The following SNX2 variants were observed in gnomAD, a reference collection of about 807,000 sequenced individuals.
SNX2 encodes sorting nexin 2, also known as sorting nexin-2.
In SNX2, 25 loss-of-function variants were observed where a neutral mutation model predicts 69.9. The ratio of observed to expected loss-of-function variants is 0.36; its 90% CI spans 0.26 to 0.50. SNX2 has a LOEUF of 0.50. SNX2 is among the 20% of genes least tolerant of loss of function. SNX2 has a pLI of 0.97. For synonymous variants in SNX2, 229 were observed against 200.4 expected (o/e 1.14, Z -1.20); for missense variants, 551 against 613.3 (o/e 0.90, Z 1.07).
intron 6 of SNX2, among the ~76,000 whole-genome samples, chr5:122,807,247 G>A (rs1385453999): frequency 6.6e-6 from 1 of 151,802 alleles, no homozygotes; most frequent in African/African-American, 2.4e-5. Context: ...AGGTGACAGA[G>A]TGAGACCGTG....
At chr5:122,789,426 C>T (rs1178614606) in intron 1 of SNX2, among the ~76,000 whole-genome samples, 1 of 138,862 alleles carries the variant, frequency 7.2e-6, no homozygotes, top group African/African-American at 2.8e-5. Flanking sequence ...CCCACCTTCC[C>T]CACCACACAC....
chr5:122,778,041 T>C (rs1022143718), intron 1 of SNX2, among the ~76,000 whole-genome samples: 1 of 152,238 alleles, frequency 6.6e-6, no homozygotes, highest in Non-Finnish European at 1.5e-5. Context: ...ATGAACTTTT[T>C]TAACTTTTAC....
In SNX2 at chr5:122,823,204, T is replaced by C. The variant is rs182486038; in HGVS notation, c.1213-2846T>C. Among the ~76,000 whole-genome samples, 5 of 152,326 alleles carry C rather than the reference T, an allele frequency of 3.3e-5. No individual in the cohort carries two copies. The East Asian group carries it at 9.6e-4, about 29-fold the overall frequency. On this transcript the variant is annotated intron_variant, in intron 11 of 14. Coordinates refer to ENST00000379516, the MANE Select transcript of SNX2 (RefSeq NM_003100.4). ...ACTAGAGTGGATTAGTATCTTGACATACAAAGGGACACATTGTTACGATTT... is the reference window on the plus strand; with the variant it reads ...ACTAGAGTGGATTAGTATCTTGACACACAAAGGGACACATTGTTACGATTT...
intron 12 of SNX2, chr5:122,826,739 C>A: frequency 2.2e-6 from 1 of 458,478 alleles, no homozygotes; most frequent in Non-Finnish European, 2.9e-6. Context: ...GGAAAAATAT[C>A]ATTTCATTGC....
intron 1 of SNX2, 84 bp downstream of exon 1, chr5:122,775,295 C>A: frequency 1.4e-6 from 2 of 1,461,758 alleles, no homozygotes; most frequent in South Asian, 1.3e-5. Context: ...CCCTCCCCAT[C>A]CCCCGTGTTT....
intron 2 of SNX2, among the ~76,000 whole-genome samples, chr5:122,798,762 A>AT (rs765854675): frequency 8.6e-5 from 13 of 151,314 alleles, no homozygotes; most frequent in Admixed American, 2.6e-4. Flanking sequence ...TTCTTTCTTC[A>AT]TTTTTTCTCT....
At chr5:122,824,353 T>C (rs1303360268) in intron 11 of SNX2, among the ~76,000 whole-genome samples, 1 of 152,140 alleles carries the variant, frequency 6.6e-6, no homozygotes, top group Non-Finnish European at 1.5e-5. Flanking sequence ...CATTGAACAC[T>C]GCTGTTTTAA....
intron 3 of SNX2, 89 bp from the exon 4 acceptor site, chr5:122,801,778 ACT>A (rs1354741938): frequency 1.3e-6 from 1 of 783,632 alleles, no homozygotes; most frequent in Non-Finnish European, 2.1e-6. Context: ...TGTGACAGTG[ACT>A]CTTACAGAAA....
intron 6 of SNX2, among the ~76,000 whole-genome samples, chr5:122,806,168 A>ACACACACACACACACAC (rs1491247026): frequency 2.7e-5 from 4 of 145,760 alleles, no homozygotes; most frequent in Non-Finnish European, 6.1e-5. Context: ...ACACACACAC[A>ACACACACACACACACAC]GCCCACCATT....
chr5:122,792,592 C>G (rs1270820804), intron 1 of SNX2, among the ~76,000 whole-genome samples: 1 of 130,222 alleles, frequency 7.7e-6, no homozygotes, highest in Non-Finnish European at 1.6e-5. Flanking sequence ...AGTGAAACTT[C>G]ATCTCAAAAA....
chr5:122,796,805 T>C (rs1753388667), intron 2 of SNX2, among the ~76,000 whole-genome samples: 1 of 152,202 alleles, frequency 6.6e-6, no homozygotes. Context: ...ACAACAGAAC[T>C]GTGTCTGTGT....
chr5:122,810,528 T>G (rs1753749517), intron 7 of SNX2, among the ~76,000 whole-genome samples: 1 of 152,182 alleles, frequency 6.6e-6, no homozygotes, highest in Non-Finnish European at 1.5e-5. Flanking sequence ...ATGAGTAAAT[T>G]TGAAGTATTT....
At chr5:122,798,103 G>A (rs957959064) in intron 2 of SNX2, among the ~76,000 whole-genome samples, 1 of 151,940 alleles carries the variant, frequency 6.6e-6, no homozygotes, top group Non-Finnish European at 1.5e-5. Flanking sequence ...TGTTTTGTTT[G>A]GTGCTTGTTG....
chr5:122,807,440 T>C (rs1753683387), intron 6 of SNX2, among the ~76,000 whole-genome samples: 1 of 152,206 alleles, frequency 6.6e-6, no homozygotes, highest in African/African-American at 2.4e-5. Context: ...ACTAATTTAC[T>C]TTCTTTCTCT....
Position 122,812,267 on chromosome 5 carries a change from T to C in SNX2, c.723-3629T>C, listed in dbSNP as rs189054587. Reference sequence around the variant, plus strand: ...CCTTTTAATGGACTACAAGACTTTATATGACCTGCACGCCTCACTCTGTTA... The same window carrying C: ...CCTTTTAATGGACTACAAGACTTTACATGACCTGCACGCCTCACTCTGTTA... On this transcript the variant is annotated intron_variant, in intron 7 of 14. Transcript: ENST00000379516. Among the ~76,000 whole-genome samples, 360 of 152,344 alleles carry C rather than the reference T, an allele frequency of 2.4e-3. 1 individual carries two copies. Among genetic ancestry groups the C allele is most frequent in the Non-Finnish European group, 3.6e-3 (245 of 68,030 alleles).
chr5:122,789,432 CACACACACAT>C (rs1229181063), intron 1 of SNX2, among the ~76,000 whole-genome samples: 5 of 101,100 alleles, frequency 4.9e-5, no homozygotes, highest in African/African-American at 2.1e-4. Context: ...TTCCCCACCA[CACACACACAT>C]ACACACACAC....
chr5:122,784,211 C>CT (rs542503945), intron 1 of SNX2, among the ~76,000 whole-genome samples: 4,714 of 143,664 alleles, frequency 0.033, 79 homozygotes, highest in Middle Eastern at 0.06. Context: ...GTCTTTATAC[C>CT]TTTTTTTTTT....
intron 14 of SNX2, among the ~76,000 whole-genome samples, chr5:122,828,595 T>C (rs924035593): frequency 1.3e-5 from 2 of 152,056 alleles, no homozygotes; most frequent in Non-Finnish European, 2.9e-5. Flanking sequence ...AATTGGGAAA[T>C]CCTGTCACTT....
intron 1 of SNX2, among the ~76,000 whole-genome samples, chr5:122,785,809 C>G (rs4835897): frequency 0.62 from 93,647 of 151,854 alleles, 29,252 homozygotes; most frequent in African/African-American, 0.7. Context: ...TTCTATTATG[C>G]TAAGTGTTCT....
Sources: allele counts gnomAD v4.1 joint callset (sites outside exome capture counted in the v4.1 genomes callset), GRCh38; gene constraint gnomAD v4.1.1; transcripts MANE v1.5; gene names NCBI Gene and HGNC (gene_info 2026-07-23, HGNC 2026-07-21).